The following RBPJ variants were observed in gnomAD, a reference collection of about 807,000 sequenced individuals.
The protein encoded by RBPJ is recombination signal binding protein for immunoglobulin kappa J region, also known as recombining binding protein suppressor of hairless.
RBPJ carries 9 observed loss-of-function variants against 67.8 expected under a neutral mutation model. The ratio of observed to expected loss-of-function variants is 0.13; its 90% confidence interval spans 0.08 to 0.23. The LOEUF is 0.23. Ranked by LOEUF, RBPJ falls within the 10% of genes least tolerant of loss-of-function variation. The pLI is 1.00. For missense variants in RBPJ, 305 were observed against 595.6 expected, an observed-to-expected ratio of 0.51 and a Z score of 5.08; for synonymous variants, 198 against 203.3, an observed-to-expected ratio of 0.97 and a Z score of 0.22.
intron 1 of RBPJ, among the ~76,000 whole-genome samples, chr4:26,284,017 G>T (rs1721376389): frequency 6.6e-6 from 1 of 152,116 alleles, no homozygotes; most frequent in Non-Finnish European, 1.5e-5. Flanking sequence ...CTATTGGGTA[G>T]GTCAATAACC....
intron 1 of RBPJ, among the ~76,000 whole-genome samples, chr4:26,286,183 G>A (rs763326063): frequency 6.6e-6 from 1 of 150,392 alleles, no homozygotes; most frequent in South Asian, 2.1e-4. Flanking sequence ...AGTAATTATA[G>A]AACATGTACT....
At chr4:26,410,016 A>G (rs1733863112) in intron 3 of RBPJ, 1 of 454,734 alleles carries the variant, frequency 2.2e-6, no homozygotes, top group Non-Finnish European at 4.4e-6. Flanking sequence ...AACCCATTAA[A>G]TTTACTTGAT....
chr4:26,179,750 C>A (rs1429855211), intron 1 of RBPJ, among the ~76,000 whole-genome samples: 2 of 152,164 alleles, frequency 1.3e-5, no homozygotes, highest in African/African-American at 2.4e-5. Context: ...CTTTGGAAAG[C>A]AGTTTGGTGA....
At chr4:26,350,392 T>C (rs1726672082) in intron 1 of RBPJ, among the ~76,000 whole-genome samples, 3 of 151,240 alleles carry the variant, frequency 2.0e-5, no homozygotes, top group Non-Finnish European at 1.5e-5. Context: ...CCCCAAGTCA[T>C]ATTTCAGTCT....
intron 1 of RBPJ, among the ~76,000 whole-genome samples, chr4:26,205,501 G>A (rs776832958): frequency 7.9e-5 from 12 of 152,302 alleles, no homozygotes; most frequent in South Asian, 2.1e-4. Flanking sequence ...GGAGCTGGGC[G>A]GCATGGCATG....
At chr4:26,272,140 T>G (rs993021351) in intron 1 of RBPJ, among the ~76,000 whole-genome samples, 3 of 152,230 alleles carry the variant, frequency 2.0e-5, no homozygotes, top group African/African-American at 7.2e-5. Context: ...TCCAAAGGTT[T>G]AAATTTCACA....
At chr4:26,109,012 G>C in the RBPJ span, among the ~76,000 whole-genome samples, 539 of 152,068 alleles carry the variant, frequency 3.5e-3, 6 homozygotes, top group African/African-American at 0.013. Flanking sequence ...TCCACACCCA[G>C]GCTGATCCCT....
chr4:26,257,521 C>T (rs549241006), intron 1 of RBPJ, among the ~76,000 whole-genome samples: 14 of 152,086 alleles, frequency 9.2e-5, no homozygotes, highest in Non-Finnish European at 1.8e-4. Context: ...CCCAGCTATT[C>T]GGGAGGCTGA....
chr4:26,269,616 C>T (rs1038314469), intron 1 of RBPJ, among the ~76,000 whole-genome samples: 1 of 152,130 alleles, frequency 6.6e-6, no homozygotes, highest in Non-Finnish European at 1.5e-5. Context: ...TATCTACCTG[C>T]CTCCCCCACC....
the RBPJ span, chr4:26,113,734 C>A: frequency 7.1e-6 from 2 of 283,154 alleles, no homozygotes; most frequent in Admixed American, 3.6e-5. Context: ...ACATGGGAGA[C>A]AAACCCTATA....
At chr4:26,298,877 G>T (rs1255110404) in intron 1 of RBPJ, among the ~76,000 whole-genome samples, 1 of 152,204 alleles carries the variant, frequency 6.6e-6, no homozygotes, top group East Asian at 1.9e-4. Context: ...CTGAAGAAGT[G>T]CTTTTGAATG....
chr4:26,385,565 C>T (rs1159631674), intron 1 of RBPJ, among the ~76,000 whole-genome samples: 1 of 152,124 alleles, frequency 6.6e-6, no homozygotes, highest in Non-Finnish European at 1.5e-5. Context: ...CTTGCCTTTG[C>T]TCTTGCTTTT....
chr4:26,399,960 T>C (rs750836809), intron 2 of RBPJ, among the ~76,000 whole-genome samples: 7 of 152,216 alleles, frequency 4.6e-5, no homozygotes, highest in Non-Finnish European at 1.0e-4. Flanking sequence ...ATTACAGGCG[T>C]AATCCAATTG....
intron 1 of RBPJ, among the ~76,000 whole-genome samples, chr4:26,282,770 C>T (rs1283057393): frequency 1.3e-5 from 2 of 152,102 alleles, no homozygotes; most frequent in Non-Finnish European, 2.9e-5. Flanking sequence ...ATCCACCCAC[C>T]TTGGCCTCCC....
chr4:26,161,431 A>C (rs1716075786), upstream of RBPJ, among the ~76,000 whole-genome samples: 1 of 152,240 alleles, frequency 6.6e-6, no homozygotes, highest in Non-Finnish European at 1.5e-5. Flanking sequence ...AAAAGGTTGC[A>C]GCCCCTGAAA....
the RBPJ span, among the ~76,000 whole-genome samples, chr4:26,150,124 C>T: frequency 6.6e-6 from 1 of 152,326 alleles, no homozygotes; most frequent in South Asian, 2.1e-4. Flanking sequence ...GTAGGAAAAA[C>T]TCTTCCATTT....
chr4:26,359,749 C>T (rs1727842222), intron 1 of RBPJ: 1 of 152,246 alleles, frequency 6.6e-6, no homozygotes, highest in African/African-American at 2.4e-5. Flanking sequence ...TGCCGCGAAG[C>T]GAGCTGGAGC....
At chr4:26,426,875 T>C (rs1270075611) in intron 7 of RBPJ, among the ~76,000 whole-genome samples, 1 of 152,190 alleles carries the variant, frequency 6.6e-6, no homozygotes, top group South Asian at 2.1e-4. Flanking sequence ...ACTGAATCTG[T>C]AAGGTTAGCA....
At chr4:26,364,016 G>A (rs1728349258) in intron 1 of RBPJ, among the ~76,000 whole-genome samples, 1 of 152,136 alleles carries the variant, frequency 6.6e-6, no homozygotes, top group East Asian at 1.9e-4. Flanking sequence ...TTTTTAAAGA[G>A]TAGTAGAAGT....
Sources: allele counts gnomAD v4.1 joint callset (sites outside exome capture counted in the v4.1 genomes callset), GRCh38; gene constraint gnomAD v4.1.1; transcripts MANE v1.5; gene names NCBI Gene and HGNC (gene_info 2026-07-23, HGNC 2026-07-21).